The following TP63 variants were observed in gnomAD, a reference collection of about 807,000 sequenced individuals.
TP63 encodes tumor protein 63.
In TP63, 17 loss-of-function variants were observed where a neutral mutation model predicts 82.8. That is an observed-to-expected ratio of 0.21 (90% CI 0.14 to 0.31). The LOEUF is 0.31. Among genes scored for constraint, TP63 ranks in the 10% least tolerant of loss-of-function variants. TP63 has a pLI of 1.00. For missense variants in TP63, 648 were observed against 895.3 expected, an observed-to-expected ratio of 0.72 and a Z score of 3.52; for synonymous variants, 330 against 321.7, an observed-to-expected ratio of 1.03 and a Z score of -0.28.
At chr3:189,670,329 T>C (rs2108671356) in intron 1 of TP63, among the ~76,000 whole-genome samples, 1 of 152,174 alleles carries the variant, frequency 6.6e-6, no homozygotes, top group Middle Eastern at 3.4e-3. Context: ...AACCAATCGA[T>C]ATTTGTAGCA....
At chr3:189,822,216 C>A (rs1728870111) in intron 4 of TP63, among the ~76,000 whole-genome samples, 1 of 152,094 alleles carries the variant, frequency 6.6e-6, no homozygotes, top group Non-Finnish European at 1.5e-5. Flanking sequence ...TAGGATGGAT[C>A]ATAGATTTAG....
intron 10 of TP63, among the ~76,000 whole-genome samples, chr3:189,879,657 A>G (rs1271004093): frequency 6.6e-6 from 1 of 152,150 alleles, no homozygotes; most frequent in African/African-American, 2.4e-5. Flanking sequence ...AATTGAGTCC[A>G]GTAAACCGTA....
chr3:189,695,217 T>C (rs1037627062), intron 1 of TP63, among the ~76,000 whole-genome samples: 21 of 152,164 alleles, frequency 1.4e-4, no homozygotes, highest in African/African-American at 4.8e-4. Flanking sequence ...TGGATAGTTA[T>C]GTTATACATT....
chr3:189,789,036 C>T (rs772178013), intron 3 of TP63, among the ~76,000 whole-genome samples: 8 of 151,538 alleles, frequency 5.3e-5, no homozygotes, highest in Non-Finnish European at 1.0e-4. Flanking sequence ...TTAACGGGAC[C>T]GGTGGTTTAA....
At chr3:189,868,114 A>G (rs1202330593) in intron 7 of TP63, among the ~76,000 whole-genome samples, 172 bp downstream of exon 7, 1 of 151,986 alleles carries the variant, frequency 6.6e-6, no homozygotes, top group Non-Finnish European at 1.5e-5. Context: ...AGTGGAGACA[A>G]AGGAAGGTGG....
rs539983621 is a variant in TP63, at chr3:189,895,468, C to T, written c.*966C>T. The T allele has an allele frequency of 3.3e-4, 73 of 219,136 alleles. No homozygotes were observed. Among genetic ancestry groups the T allele is most frequent in the South Asian group, 3.7e-4 (2 of 5,412 alleles). The allele number at this position is 219,136 out of a possible 1,614,324, so 13.6% of individuals were successfully genotyped here. ...TAAATTTCACTACTAGATTGACTAA[C>T]TCAAATACACATTTGCTACTGTTGT... On this transcript the variant is annotated 3_prime_UTR_variant, in exon 14 of 14. Coordinates refer to ENST00000264731, the MANE Select transcript of TP63 (RefSeq NM_003722.5).
At chr3:189,679,970 G>T (rs921651197) in intron 1 of TP63, among the ~76,000 whole-genome samples, 2 of 151,998 alleles carry the variant, frequency 1.3e-5, no homozygotes, top group East Asian at 1.9e-4. Flanking sequence ...GTTCCATTTG[G>T]TATACATGTT....
intron 3 of TP63, among the ~76,000 whole-genome samples, chr3:189,749,353 C>A (rs987718448): frequency 6.6e-6 from 1 of 151,902 alleles, no homozygotes; most frequent in African/African-American, 2.4e-5. Context: ...AATAAATAAT[C>A]CCGTAAAAAT....
At position 189,871,715 on chromosome 3, in the gene TP63, C is replaced by T. The variant is rs576013956; in HGVS notation, c.1213-1144C>T. 7.0e-4 allele frequency among the ~76,000 whole-genome samples: 107 copies of T among 152,180 alleles called. 1 individual carries two copies. The highest frequency in any genetic ancestry group is 2.4e-3 in the African/African-American group (101 of 41,514). On this transcript the variant is annotated intron_variant, in intron 9 of 13. Coordinates refer to ENST00000264731, the MANE Select transcript of TP63 (RefSeq NM_003722.5). The stretch of plus-strand genomic sequence containing the variant: ...CACTCTAGTCCTGGCCCGGCTCATC[C>T]GTTTTTTTGGTTTTTGTTTGTTTTG...
chr3:189,614,636 A>G, the TP63 span, among the ~76,000 whole-genome samples: 1 of 152,088 alleles, frequency 6.6e-6, no homozygotes, highest in Non-Finnish European at 1.5e-5. Context: ...TTCCTTCATT[A>G]TTTTGTATCT....
intron 4 of TP63, among the ~76,000 whole-genome samples, chr3:189,848,272 TTGC>T (rs1715179313): frequency 2.7e-5 from 4 of 148,560 alleles, no homozygotes; most frequent in African/African-American, 5.0e-5. Context: ...TCTCTCTCTG[TTGC>T]CTAGGCTGGA....
intron 1 of TP63, among the ~76,000 whole-genome samples, chr3:189,650,701 C>T (rs1478332590): frequency 6.8e-6 from 1 of 147,498 alleles, no homozygotes; most frequent in Admixed American, 6.7e-5. Context: ...TATAAATTAA[C>T]CAAATCTCAG....
At chr3:189,672,014 A>G (rs1187084024) in intron 1 of TP63, among the ~76,000 whole-genome samples, 2 of 152,146 alleles carry the variant, frequency 1.3e-5, no homozygotes, top group Non-Finnish European at 2.9e-5. Flanking sequence ...AATGTAGTGT[A>G]TATTTTCAAA....
chr3:189,810,347 C>T (rs897702096), intron 4 of TP63, among the ~76,000 whole-genome samples: 3 of 152,168 alleles, frequency 2.0e-5, no homozygotes, highest in African/African-American at 7.2e-5. Flanking sequence ...CACCAGTCTT[C>T]AAAGCTAACA....
chr3:189,886,912 A>C (rs1720503215), intron 11 of TP63, among the ~76,000 whole-genome samples: 1 of 152,152 alleles, frequency 6.6e-6, no homozygotes, highest in Non-Finnish European at 1.5e-5. Flanking sequence ...AGTGAACTTA[A>C]AATCTAGAGA....
the TP63 span, among the ~76,000 whole-genome samples, chr3:189,609,141 G>A: frequency 1.3e-5 from 2 of 152,000 alleles, no homozygotes; most frequent in Admixed American, 6.6e-5. Flanking sequence ...CCATAAATAA[G>A]AAATCACTTG....
At chr3:189,762,107 A>G (rs1371377123) in intron 3 of TP63, among the ~76,000 whole-genome samples, 1 of 152,248 alleles carries the variant, frequency 6.6e-6, no homozygotes, top group Non-Finnish European at 1.5e-5. Context: ...TCAGAACTTT[A>G]AAATATACTA....
chr3:189,805,299 C>T (rs975560315), intron 3 of TP63, among the ~76,000 whole-genome samples: 2 of 152,198 alleles, frequency 1.3e-5, no homozygotes, highest in Non-Finnish European at 2.9e-5. Flanking sequence ...TTCATTAAAA[C>T]ATTTTCATCT....
At chr3:189,886,841 C>T (rs1235619886) in intron 11 of TP63, among the ~76,000 whole-genome samples, 1 of 152,118 alleles carries the variant, frequency 6.6e-6, no homozygotes, top group African/African-American at 2.4e-5. Context: ...AGACTCACCA[C>T]CTGCAGCCTT....
Sources: gnomAD v4.1 joint callset for allele counts (sites outside exome capture counted in the v4.1 genomes callset) on GRCh38, gnomAD v4.1.1 for gene constraint, MANE v1.5 for transcripts, NCBI Gene and HGNC (gene_info 2026-07-23, HGNC 2026-07-21) for gene names.